Variants in XYLB observed in about 807,000 individuals in gnomAD.
XYLB encodes the protein xylulokinase.
A neutral mutation model predicts 78.7 loss-of-function variants in XYLB; 62 were observed. The ratio of observed to expected loss-of-function variants is 0.79; its 90% CI spans 0.64 to 0.97. XYLB has a LOEUF of 0.97. Ranked by LOEUF, XYLB falls within the 50% of genes least tolerant of loss-of-function variation. XYLB has a pLI of 0.00. For missense variants in XYLB, 687 were observed against 676.8 expected (o/e 1.02, Z -0.17); for synonymous variants, 245 against 247.4 (o/e 0.99, Z 0.09).
chr3:38,366,379 T>C (rs1706263670), intron 6 of XYLB, among the ~76,000 whole-genome samples: 1 of 152,114 alleles, frequency 6.6e-6, no homozygotes, highest in South Asian at 2.1e-4. Flanking sequence ...TGTCCAGTCC[T>C]GATGTGGGAG....
At chr3:38,430,077 A>G in the XYLB span, among the ~76,000 whole-genome samples, 1 of 152,168 alleles carries the variant, frequency 6.6e-6, no homozygotes, top group Non-Finnish European at 1.5e-5. Context: ...ACCCAGTAAT[A>G]GGATCACTGG....
intron 1 of XYLB, among the ~76,000 whole-genome samples, chr3:38,347,314 A>G (rs1040177211): frequency 4.6e-5 from 7 of 152,242 alleles, no homozygotes; most frequent in African/African-American, 1.4e-4. Flanking sequence ...GGGAACAGAC[A>G]GGCGGGTAGC....
rs944668826 is a variant in XYLB, at chr3:38,369,105, C to T, written c.646+848C>T. Among the ~76,000 whole-genome samples, 4 of 152,082 alleles carry T rather than the reference C, an allele frequency of 2.6e-5. No individual in the cohort carries two copies. In the South Asian group the frequency reaches 8.3e-4, roughly 32 times the overall value. ...GAGCCCAGAGCCGTGGATATGGCTT[C>T]AGAATGGAGCCTGGGATGCTCTGAG... is the stretch of plus-strand genomic sequence containing the variant. On this transcript the variant is annotated intron_variant, in intron 8 of 18. Coordinates refer to ENST00000207870, the MANE Select transcript of XYLB (RefSeq NM_005108.4).
At chr3:38,429,033 T>C in the XYLB span, among the ~76,000 whole-genome samples, 1 of 152,232 alleles carries the variant, frequency 6.6e-6, no homozygotes, top group Admixed American at 6.5e-5. Context: ...ATTGCCACGA[T>C]TGCAGAGAGC....
intron 15 of XYLB, among the ~76,000 whole-genome samples, chr3:38,383,109 G>GCA (rs1481192065): frequency 5.3e-5 from 8 of 152,150 alleles, no homozygotes; most frequent in African/African-American, 1.9e-4. Context: ...GCATTTGTTG[G>GCA]GCACTGAGTG....
At chr3:38,396,957 G>C (rs1707896354) in intron 16 of XYLB, 115 bp from the exon 17 acceptor site, 16 of 1,016,492 alleles carry the variant, frequency 1.6e-5, no homozygotes. Flanking sequence ...AGTCGAGGTG[G>C]AATGGAAGGG....
intron 16 of XYLB, among the ~76,000 whole-genome samples, chr3:38,396,272 G>T (rs1485371476): frequency 2.0e-5 from 3 of 152,216 alleles, no homozygotes; most frequent in African/African-American, 7.2e-5. Flanking sequence ...GAGGAAGAAG[G>T]ATAAGTGAGG....
the XYLB span, among the ~76,000 whole-genome samples, chr3:38,443,211 G>A: frequency 6.6e-6 from 1 of 152,324 alleles, no homozygotes; most frequent in Admixed American, 6.5e-5. Flanking sequence ...CCAAGAGGAA[G>A]TCAATTTCCT....
intron 2 of XYLB, among the ~76,000 whole-genome samples, chr3:38,357,607 C>T (rs1290496859): frequency 5.3e-5 from 8 of 152,218 alleles, no homozygotes; most frequent in African/African-American, 9.6e-5. Flanking sequence ...AGGATGGTCT[C>T]GATCTCCTGA....
At chr3:38,415,634 T>A (rs558526645), downstream of XYLB, among the ~76,000 whole-genome samples, 1 of 151,962 alleles carries the variant, frequency 6.6e-6, no homozygotes, top group East Asian at 1.9e-4. Context: ...AATACAAAAA[T>A]TAGCTGGGTA....
chr3:38,447,887 T>C, the XYLB span, among the ~76,000 whole-genome samples: 2 of 152,094 alleles, frequency 1.3e-5, no homozygotes, highest in Admixed American at 6.5e-5. Context: ...GAAAATGTAG[T>C]ATATATACAC....
At chr3:38,442,308 G>T in the XYLB span, among the ~76,000 whole-genome samples, 1 of 152,170 alleles carries the variant, frequency 6.6e-6, no homozygotes, top group African/African-American at 2.4e-5. Flanking sequence ...CTGGCATGAG[G>T]CTTCTGAACT....
the XYLB span, among the ~76,000 whole-genome samples, chr3:38,431,045 TTTGGTTCCATA>T: frequency 1.3e-5 from 2 of 152,224 alleles, no homozygotes; most frequent in South Asian, 4.1e-4. Flanking sequence ...TGGGCTCCTT[TTTGGTTCCATA>T]TGAACTTTAA....
chr3:38,436,507 C>T, the XYLB span, among the ~76,000 whole-genome samples: 1 of 151,990 alleles, frequency 6.6e-6, no homozygotes, highest in Non-Finnish European at 1.5e-5. Flanking sequence ...GAACTAATAC[C>T]AACCCTCCTA....
chr3:38,417,837 G>A (rs1220250564), downstream of XYLB, among the ~76,000 whole-genome samples: 4 of 141,380 alleles, frequency 2.8e-5, no homozygotes, highest in African/African-American at 1.1e-4. Flanking sequence ...CTGAGATCTC[G>A]CCACTGCACT....
At chr3:38,372,329 A>G in intron 9 of XYLB, 3 of 953,534 alleles carry the variant, frequency 3.1e-6, no homozygotes, top group East Asian at 2.3e-4. Context: ...TTTTAATGCT[A>G]TATCCAGAAT....
At chr3:38,388,716 A>T (rs1459929183) in intron 15 of XYLB, among the ~76,000 whole-genome samples, 1 of 152,122 alleles carries the variant, frequency 6.6e-6, no homozygotes, top group East Asian at 1.9e-4. Flanking sequence ...CCACAACATG[A>T]TCTATATATT....
intron 12 of XYLB, 29 bp downstream of exon 12, chr3:38,375,288 C>A: frequency 6.3e-7 from 1 of 1,598,546 alleles, no homozygotes; most frequent in Non-Finnish European, 8.6e-7. Flanking sequence ...TGGCACCATT[C>A]CCTGGGTGAG....
chr3:38,406,119 T>A (rs549246861), intron 18 of XYLB, among the ~76,000 whole-genome samples: 1 of 152,232 alleles, frequency 6.6e-6, no homozygotes, highest in Non-Finnish European at 1.5e-5. Context: ...CCGAGCAGCC[T>A]ACCTGGGAGG....
Sources: gnomAD v4.1 joint callset for allele counts (sites outside exome capture counted in the v4.1 genomes callset) on GRCh38, gnomAD v4.1.1 for gene constraint, MANE v1.5 for transcripts, NCBI Gene and HGNC (gene_info 2026-07-23, HGNC 2026-07-21) for gene names.